Variants in MYH7B observed in about 807,000 individuals in gnomAD.
MYH7B encodes the protein myosin-7B.
Under a neutral mutation model 234.5 loss-of-function variants are expected in MYH7B, and 205 were observed. The ratio of observed to expected loss-of-function variants is 0.87; its 90% CI spans 0.78 to 0.98. The LOEUF (loss-of-function observed/expected upper bound fraction) is 0.98, where lower values mean the gene tolerates loss of function less well. Among genes scored for constraint, MYH7B ranks in the 50% least tolerant of loss-of-function variants. The probability of loss-of-function intolerance (pLI) is 0.00; values close to 1 mark genes in which losing one functional copy is unlikely to be tolerated. For synonymous variants in MYH7B, 1,193 were observed against 1,105.0 expected (o/e 1.08, Z -1.58); for missense variants, 2,652 against 2,633.4 (o/e 1.01, Z -0.15).
chr20:34,988,798 C>G (rs537320177), intron 19 of MYH7B, among the ~76,000 whole-genome samples: 98 of 141,598 alleles, frequency 6.9e-4, no homozygotes, highest in Middle Eastern at 3.7e-3. Context: ...CCTCGAAATC[C>G]TTTATCCCTT....
At chr20:34,971,246 G>A (rs2081791159) in intron 2 of MYH7B, among the ~76,000 whole-genome samples, 1 of 152,146 alleles carries the variant, frequency 6.6e-6, no homozygotes, top group African/African-American at 2.4e-5. Context: ...AGAGCTGGTT[G>A]GCATGATGGC....
chr20:34,969,540 CTT>C lies in MYH7B; in HGVS notation c.-221-5839_-221-5838del, dbSNP rs770172832. On this transcript the variant is annotated intron_variant, in intron 2 of 44. Transcript: ENST00000262873. ...GCATAGCCCATACATTCTTCTGCTC[CTT>C]TTTTTTTTTTTTTTTTTTTTGAGAT... 5.7e-3 allele frequency among the ~76,000 whole-genome samples: 721 copies of C among 126,728 alleles called. 1 individual carries two copies. Among genetic ancestry groups the C allele is most frequent in the African/African-American group, 0.02 (680 of 33,294 alleles). The allele number at this position is 126,728 out of a possible 152,430, so 83.1% of individuals were successfully genotyped here.
chr20:34,973,157 G>A (rs764868256), intron 2 of MYH7B, among the ~76,000 whole-genome samples: 23 of 152,192 alleles, frequency 1.5e-4, no homozygotes, highest in Admixed American at 5.9e-4. Flanking sequence ...GTCCTGCCCC[G>A]CTCCCCTTTA....
chr20:34,997,398 G>T lies in MYH7B; in HGVS notation c.3505G>T (p.Glu1169Ter). ...AGGCGGCGCATCCGCGGGGCAGCGC[G>T]AGGGCTGCCGCAAGCGGGAGGCGGA... The change falls in exon 32 of 45, where the codon GAG becomes TAG. Residue 1169 changes from glutamate to a stop codon, truncating the protein, a stop_gained. Coordinates refer to ENST00000262873, the Ensembl canonical transcript of MYH7B. LOFTEE classifies it high-confidence loss of function. 6.7e-7 allele frequency: 1 copy of T among 1,485,772 alleles called. No individual in the cohort carries two copies. The highest frequency in any genetic ancestry group is 1.3e-5 in the South Asian group (1 of 75,700). 92.0% of individuals were successfully genotyped at this position (1,485,772 alleles called of 1,614,324 possible). A position where few individuals can be genotyped will look rare whatever the true frequency, so the allele number is the denominator to read the frequency against.
intron 43 of MYH7B, 72 bp from the exon 44 acceptor site, chr20:35,001,876 T>C: frequency 3.2e-6 from 5 of 1,554,848 alleles, no homozygotes; most frequent in Non-Finnish European, 2.6e-6. Context: ...GCTCCCTTCT[T>C]GGACTGGGGC....
chr20:34,980,819 G>A, intron 8 of MYH7B, 85 bp downstream of exon 8: 1 of 1,561,730 alleles, frequency 6.4e-7, no homozygotes, highest in Non-Finnish European at 8.7e-7. Flanking sequence ...TTCCCCCACT[G>A]GCACTGCCCC....
chr20:34,983,874 C>T (rs971322311), intron 10 of MYH7B, among the ~76,000 whole-genome samples: 1 of 152,100 alleles, frequency 6.6e-6, no homozygotes. Context: ...TCCATTCCTT[C>T]CCTTCTCTCC....
At chr20:34,992,561 G>GTTTTTTTT (rs71196773) in intron 24 of MYH7B, among the ~76,000 whole-genome samples, 1 of 118,326 alleles carries the variant, frequency 8.5e-6, no homozygotes, top group Non-Finnish European at 1.7e-5. Context: ...CCAAGGTTGT[G>GTTTTTTTT]TTTTTTTTTT....
intron 2 of MYH7B, among the ~76,000 whole-genome samples, chr20:34,964,225 A>AATT (rs1179744031): frequency 6.6e-6 from 1 of 152,152 alleles, no homozygotes; most frequent in African/African-American, 2.4e-5. Flanking sequence ...TCACCGAGAC[A>AATT]GAATGGTCAA....
intron 13 of MYH7B, 97 bp from the exon 14 acceptor site, chr20:34,986,003 A>G: frequency 9.4e-7 from 1 of 1,065,102 alleles, no homozygotes. Flanking sequence ...GCCCCCCTGC[A>G]CACTCCCTGC....
In MYH7B at chr20:34,999,886, C is replaced by G. The variant is rs1218061871; in HGVS notation, c.4761C>G (p.Asp1587Glu). 1.9e-6 allele frequency: 3 copies of G among 1,613,536 alleles called. No individual in the cohort carries two copies. The highest frequency in any genetic ancestry group is 2.7e-5 in the African/African-American group (2 of 74,880). Reference sequence around the variant, plus strand: ...TGGACCGGAAGCTGGCAGAGAAAGACGAGGAGTGCGCTAACCTGAGGTGTG... The same window carrying G: ...TGGACCGGAAGCTGGCAGAGAAAGAGGAGGAGTGCGCTAACCTGAGGTGTG... The change falls in exon 38 of 45, where the codon GAC (aspartate) becomes GAG (glutamate). Residue 1587 changes from aspartate to glutamate, a missense_variant. Asp to Glu is a conservative substitution (Grantham distance 45). This residue lies in a region of MYH7B where 2,279 missense variants were observed against 2,211.4 expected (regional missense o/e 1.03). Transcript: ENST00000262873.
At chr20:34,986,003 A>ACACTCCCTGCC (rs2082015086) in intron 13 of MYH7B, 97 bp from the exon 14 acceptor site, 1 of 1,065,102 alleles carries the variant, frequency 9.4e-7, no homozygotes, top group Non-Finnish European at 1.4e-6. Flanking sequence ...GCCCCCCTGC[A>ACACTCCCTGCC]CACTCCCTGC....
At position 34,993,089 on chromosome 20, in the gene MYH7B, C is replaced by T. The variant is rs199899485; in HGVS notation, c.2184-13C>T. On this transcript the variant is annotated splice_polypyrimidine_tract_variant and intron_variant, in intron 24 of 44. Transcript: ENST00000262873. Reference sequence around the variant, plus strand: ...CCAGCCCTCTCCTGACCAGCTCTGCCCTCCTTTCCCAGGTACCGTATCCTG... The same window carrying T: ...CCAGCCCTCTCCTGACCAGCTCTGCTCTCCTTTCCCAGGTACCGTATCCTG... 2.1e-4 allele frequency: 332 copies of T among 1,608,904 alleles called. No individual in the cohort carries two copies. The highest frequency in any genetic ancestry group is 4.7e-5 in the Non-Finnish European group (55 of 1,176,412).
Position 34,995,096 on chromosome 20 carries a change from CT to C in MYH7B, c.2701-238del, listed in dbSNP as rs1297455358. On this transcript the variant is annotated intron_variant, in intron 27 of 44. Coordinates refer to ENST00000262873, the Ensembl canonical transcript of MYH7B. ...AGCAGCGGGCTTCCCTCTCAGAACC[CT>C]TGTTTGGGCCTCACTCTGGGCCGCC... is the stretch of plus-strand genomic sequence containing the variant. Among the ~76,000 whole-genome samples, 6 of 152,252 alleles carry C rather than the reference CT, an allele frequency of 3.9e-5. No individual in the cohort carries two copies. The South Asian group carries it at 1.0e-3, about 26-fold the overall frequency.
intron 9 of MYH7B, chr20:34,981,642 G>C (rs12625965): frequency 0.015 from 2,220 of 152,740 alleles, 139 homozygotes; most frequent in Admixed American, 0.099. Flanking sequence ...CTTGACGTCA[G>C]GAGTTCGAGA....
In MYH7B at chr20:34,999,747, C is replaced by T; in HGVS notation, c.4666-44C>T. 3.6e-6 allele frequency: 5 copies of T among 1,404,282 alleles called. No individual in the cohort carries two copies. The South Asian group carries it at 4.7e-5, about 13-fold the overall frequency. 87.0% of individuals were successfully genotyped at this position (1,404,282 alleles called of 1,614,324 possible). On this transcript the variant is annotated intron_variant, in intron 37 of 44. Transcript: ENST00000262873. ...GGACACTGACCTGCTGCTCCACTGG[C>T]CATCCCCCCCCCCCACCCTACCCTG...
chr20:34,959,883 T>G (rs1267641368), intron 2 of MYH7B, among the ~76,000 whole-genome samples: 1 of 152,226 alleles, frequency 6.6e-6, no homozygotes, highest in Non-Finnish European at 1.5e-5. Flanking sequence ...AGTCGTTATC[T>G]CACTTTCCCT....
chr20:35,000,370 G>C, exon 39 of MYH7B: 1 of 1,599,182 alleles, frequency 6.3e-7, no homozygotes, highest in Non-Finnish European at 8.5e-7. Context: ...GAGGCGCTGC[G>C]GCTCAAGAAG....
intron 43 of MYH7B, 94 bp downstream of exon 43, chr20:35,001,620 C>T (rs1347669291): frequency 8.9e-7 from 1 of 1,120,612 alleles, no homozygotes; most frequent in African/African-American, 1.5e-5. Context: ...GCTCCACCCT[C>T]CAAGGTCAGT....
Sources: allele counts gnomAD v4.1 joint callset (sites outside exome capture counted in the v4.1 genomes callset), GRCh38; gene constraint gnomAD v4.1.1; regional missense constraint gnomAD v4.1.1; transcripts MANE v1.5; gene names NCBI Gene and HGNC (gene_info 2026-07-23, HGNC 2026-07-21).